Variants in EYS observed in about 807,000 individuals in gnomAD.
EYS encodes the protein EGF-like photoreceptor maintenance factor, also known as protein eyes shut homolog.
In EYS, 250 loss-of-function variants were observed where a neutral mutation model predicts 282.1. The ratio of observed to expected loss-of-function variants is 0.89; its 90% CI spans 0.80 to 0.98. The LOEUF (loss-of-function observed/expected upper bound fraction) is 0.98. Among genes scored for constraint, EYS ranks in the 50% least tolerant of loss-of-function variants. EYS has a pLI of 0.00. For missense variants in EYS, 4,016 were observed against 3,709.0 expected, an observed-to-expected ratio of 1.08 and a Z score of -2.15; for synonymous variants, 1,355 against 1,282.9, an observed-to-expected ratio of 1.06 and a Z score of -1.20.
chr6:65,601,816 G>A (rs887978454), intron 2 of EYS, among the ~76,000 whole-genome samples: 1 of 151,904 alleles, frequency 6.6e-6, no homozygotes, highest in Admixed American at 6.6e-5. Context: ...GAGAATAATA[G>A]TGTGGGAAAT....
At chr6:65,515,843 A>G (rs1266170430) in intron 2 of EYS, among the ~76,000 whole-genome samples, 1 of 150,156 alleles carries the variant, frequency 6.7e-6, no homozygotes, top group Non-Finnish European at 1.5e-5. Flanking sequence ...CTAATGCTAA[A>G]TGACGAGTTA....
chr6:65,242,143 A>G (rs1767072158), intron 12 of EYS, among the ~76,000 whole-genome samples: 1 of 152,130 alleles, frequency 6.6e-6, no homozygotes, highest in African/African-American at 2.4e-5. Context: ...ATATTGAGAT[A>G]TAATTCACGA....
chr6:64,617,186 G>A (rs1767300657), intron 24 of EYS, among the ~76,000 whole-genome samples: 1 of 152,088 alleles, frequency 6.6e-6, no homozygotes, highest in Non-Finnish European at 1.5e-5. Context: ...CCTTGGTGTG[G>A]ATCAGTTTAT....
At chr6:64,290,880 C>A (rs1332182984) in intron 30 of EYS, among the ~76,000 whole-genome samples, 3 of 151,032 alleles carry the variant, frequency 2.0e-5, no homozygotes, top group Non-Finnish European at 4.4e-5. Context: ...GTGGGTCATG[C>A]ATTTCTGTTA....
chr6:64,248,480 G>A lies in EYS; in HGVS notation c.6192-17656C>T, dbSNP rs573670858. On this transcript the variant is annotated intron_variant, in intron 30 of 42. Transcript: ENST00000503581. ...AAGTAAAGAGATTTAGGAGAAATAC[G>A]GTTTGTTTCCAAAAGGACTTTGTGG... 3.1e-4 allele frequency among the ~76,000 whole-genome samples: 47 copies of A among 152,208 alleles called. 1 individual carries two copies. The highest frequency in any genetic ancestry group is 1.1e-3 in the African/African-American group (46 of 41,542).
At chr6:64,550,563 C>G (rs1335198052) in intron 26 of EYS, among the ~76,000 whole-genome samples, 1 of 152,230 alleles carries the variant, frequency 6.6e-6, no homozygotes, top group East Asian at 1.9e-4. Flanking sequence ...AAGACAGATG[C>G]CCTCTCTCAC....
chr6:65,452,397 C>T (rs1390682178), intron 5 of EYS, among the ~76,000 whole-genome samples: 1 of 151,580 alleles, frequency 6.6e-6, no homozygotes, highest in East Asian at 1.9e-4. Context: ...CCAGATTTAT[C>T]TGCTTAAAAT....
intron 30 of EYS, among the ~76,000 whole-genome samples, chr6:64,264,552 T>C (rs1234280981): frequency 1.3e-5 from 2 of 152,102 alleles, no homozygotes; most frequent in African/African-American, 4.8e-5. Context: ...TGCTGAATAA[T>C]GGCAAAAGTA....
intron 12 of EYS, among the ~76,000 whole-genome samples, chr6:65,113,968 G>C (rs1380228459): frequency 6.6e-6 from 1 of 151,946 alleles, no homozygotes; most frequent in Non-Finnish European, 1.5e-5. Context: ...ATTAAACGAT[G>C]GCACTAAGAA....
chr6:64,986,506 T>TA (rs1298391226), intron 14 of EYS, among the ~76,000 whole-genome samples: 2 of 12,828 alleles, frequency 1.6e-4, no homozygotes, highest in Non-Finnish European at 3.4e-4. Flanking sequence ...TATGCAATTT[T>TA]TTTTTTTCTA....
rs530992144 is a variant in EYS, at chr6:64,530,478, A to C, written c.5644+59745T>G. Among the ~76,000 whole-genome samples the C allele has an allele frequency of 2.8e-4, 42 of 152,280 alleles. No individual in the cohort carries two copies. The East Asian group carries it at 8.1e-3, about 29-fold the overall frequency. On this transcript the variant is annotated intron_variant, in intron 26 of 42. Transcript: ENST00000503581. ...TTGGTGATAAATATTTTCCAGAAAT[A>C]ATAAAATTAGAAAATAAACATATAT... is the stretch of plus-strand genomic sequence containing the variant.
intron 29 of EYS, among the ~76,000 whole-genome samples, chr6:64,321,632 A>G (rs1341842833): frequency 6.6e-6 from 1 of 152,052 alleles, no homozygotes; most frequent in Non-Finnish European, 1.5e-5. Flanking sequence ...CTCATAAATC[A>G]TTCCAAGGCT....
chr6:65,432,211 A>G (rs1233932811), intron 5 of EYS, among the ~76,000 whole-genome samples: 2 of 152,196 alleles, frequency 1.3e-5, no homozygotes, highest in African/African-American at 4.8e-5. Flanking sequence ...TTTTATAAAT[A>G]GGGTTTTTGG....
intron 35 of EYS, among the ~76,000 whole-genome samples, chr6:63,866,978 G>A (rs929752618): frequency 6.6e-6 from 1 of 152,146 alleles, no homozygotes; most frequent in Non-Finnish European, 1.5e-5. Context: ...TGGACTCAAA[G>A]GTTTCTCCTA....
At chr6:64,546,015 A>G (rs1764850413) in intron 26 of EYS, among the ~76,000 whole-genome samples, 1 of 152,182 alleles carries the variant, frequency 6.6e-6, no homozygotes, top group African/African-American at 2.4e-5. Flanking sequence ...GAATTGGAAA[A>G]AACTACTTTA....
intron 33 of EYS, among the ~76,000 whole-genome samples, chr6:64,006,373 G>A (rs762199356): frequency 1.3e-5 from 2 of 151,826 alleles, no homozygotes; most frequent in Non-Finnish European, 2.9e-5. Context: ...AGACTCCTAG[G>A]AGCAGATATT....
intron 31 of EYS, among the ~76,000 whole-genome samples, chr6:64,095,472 C>T (rs934408405): frequency 1.3e-5 from 2 of 152,096 alleles, no homozygotes; most frequent in African/African-American, 2.4e-5. Flanking sequence ...GGATAGTTAG[C>T]TCTTCTTGTT....
rs555822499 is a variant in EYS at position 64,308,317 on chromosome 6, T to G, written c.6079-1235A>C. ...AGAAGAGAAGTACATTGAAGAACAT[T>G]CAATTTGGTGAACAAAAATAACCTA... is the stretch of plus-strand genomic sequence containing the variant. On this transcript the variant is annotated intron_variant, in intron 29 of 42. Coordinates refer to ENST00000503581, the MANE Select transcript of EYS (RefSeq NM_001142800.2). 2.0e-5 allele frequency among the ~76,000 whole-genome samples: 3 copies of G among 152,170 alleles called. No individual in the cohort carries two copies. In the South Asian group the frequency reaches 6.2e-4, roughly 32 times the overall value.
chr6:64,832,199 C>T (rs1765241142), intron 19 of EYS, among the ~76,000 whole-genome samples: 1 of 151,904 alleles, frequency 6.6e-6, no homozygotes, highest in African/African-American at 2.4e-5. Flanking sequence ...CATTCATACG[C>T]ATGTACATGG....
Sources: gnomAD v4.1 joint callset for allele counts (sites outside exome capture counted in the v4.1 genomes callset) on GRCh38, gnomAD v4.1.1 for gene constraint, MANE v1.5 for transcripts, NCBI Gene and HGNC (gene_info 2026-07-23, HGNC 2026-07-21) for gene names.